Variants in SYNE3 observed in about 807,000 individuals in gnomAD.
SYNE3 encodes the protein nesprin-3.
In SYNE3, 100 loss-of-function variants were observed where a neutral mutation model predicts 111.2. That is an observed-to-expected ratio of 0.90 (90% CI 0.77 to 1.06). SYNE3 has a LOEUF of 1.06. Ranked by LOEUF, SYNE3 falls within the 50% of genes least tolerant of loss-of-function variation. The pLI is 0.00. For synonymous variants in SYNE3, 547 were observed against 533.9 expected (o/e 1.02, Z -0.34); for missense variants, 1,160 against 1,240.3 (o/e 0.94, Z 0.97).
intron 14 of SYNE3, 89 bp from the exon 15 acceptor site, chr14:95,437,070 G>A: frequency 6.4e-7 from 1 of 1,558,582 alleles, no homozygotes; most frequent in Non-Finnish European, 8.7e-7. Flanking sequence ...CAGAGGGGCA[G>A]GGACCAGGAC....
intron 4 of SYNE3, among the ~76,000 whole-genome samples, chr14:95,463,417 C>A (rs1887965863): frequency 6.6e-6 from 1 of 152,186 alleles, no homozygotes; most frequent in Admixed American, 6.5e-5. Flanking sequence ...TACAAACATG[C>A]ACACACACCC....
At chr14:95,449,003 C>T (rs1310358395) in intron 8 of SYNE3, among the ~76,000 whole-genome samples, 3 of 152,198 alleles carry the variant, frequency 2.0e-5, no homozygotes, top group Non-Finnish European at 2.9e-5. Context: ...ACATCTCACA[C>T]ACGTTTGAGT....
chr14:95,440,553 T>C (rs1052195985), intron 11 of SYNE3, among the ~76,000 whole-genome samples: 2 of 152,180 alleles, frequency 1.3e-5, no homozygotes, highest in African/African-American at 2.4e-5. Context: ...AATGAATAAA[T>C]ACACGGTGGT....
At chr14:95,468,909 C>A (rs1186112899) in intron 2 of SYNE3, among the ~76,000 whole-genome samples, 3 of 152,122 alleles carry the variant, frequency 2.0e-5, no homozygotes, top group Non-Finnish European at 4.4e-5. Flanking sequence ...TCTCTGTAGG[C>A]AAATATGACT....
intron 2 of SYNE3, among the ~76,000 whole-genome samples, chr14:95,473,043 C>T (rs182169197): frequency 1.3e-5 from 2 of 152,294 alleles, no homozygotes; most frequent in East Asian, 1.9e-4. Flanking sequence ...ATGGGTAGGT[C>T]GAGAGGCACT....
chr14:95,443,606 G>C (rs1886530652), intron 10 of SYNE3: 2 of 292,012 alleles, frequency 6.8e-6, no homozygotes, highest in African/African-American at 2.2e-5. Flanking sequence ...TCATTATGAG[G>C]AAACACGTCC....
At position 95,485,468 on chromosome 14, in the gene SYNE3, C is replaced by T. The variant is rs910434246; in HGVS notation, c.-14-9633G>A. Among the ~76,000 whole-genome samples, 41 of 152,152 alleles carry T rather than the reference C, an allele frequency of 2.7e-4. No homozygotes were observed. Among genetic ancestry groups the T allele is most frequent in the African/African-American group, 9.9e-4 (41 of 41,428 alleles). On this transcript the variant is annotated intron_variant, in intron 1 of 17. Transcript: ENST00000682763. The surrounding 1 kb of genome is among the most constrained non-coding windows in gnomAD (Gnocchi z 4.3). ...ATTCCTCAGATGCCCTGAAGGTAAA[C>T]TGAGAGAGTCGGCTGCTCCCCGACC...
Position 95,461,254 on chromosome 14 carries a change from C to T in SYNE3, c.628-3916G>A, listed in dbSNP as rs556232185. Among the ~76,000 whole-genome samples, 15 of 152,370 alleles carry T rather than the reference C, an allele frequency of 9.8e-5. No individual in the cohort carries two copies. The South Asian group carries it at 1.7e-3, about 17-fold the overall frequency. ...ATTCATCACAAGCAGCTCTGATTCA[C>T]GGCCAAGATGCCAGACAGACGCGCC... On this transcript the variant is annotated intron_variant, in intron 4 of 17. Coordinates refer to ENST00000682763, the MANE Select transcript of SYNE3 (RefSeq NM_152592.6).
chr14:95,450,250 T>C, intron 7 of SYNE3, 145 bp from the exon 8 acceptor site: 4 of 920,020 alleles, frequency 4.3e-6, no homozygotes, highest in Non-Finnish European at 6.4e-6. Flanking sequence ...TGGGAATGTC[T>C]GCAGCAGTAG....
intron 1 of SYNE3, among the ~76,000 whole-genome samples, chr14:95,495,676 A>G (rs1333717719): frequency 2.0e-5 from 3 of 152,222 alleles, no homozygotes; most frequent in Non-Finnish European, 4.4e-5. Context: ...CCAGGCCTGC[A>G]TGGCTCCAGC....
At chr14:95,427,658 C>A (rs559046952) in intron 17 of SYNE3, among the ~76,000 whole-genome samples, 3 of 152,304 alleles carry the variant, frequency 2.0e-5, no homozygotes, top group Admixed American at 6.5e-5. Flanking sequence ...ACTCATGTGA[C>A]CTTGTCAATC....
At chr14:95,501,138 T>C (rs1890320219) in intron 1 of SYNE3, among the ~76,000 whole-genome samples, 1 of 152,176 alleles carries the variant, frequency 6.6e-6, no homozygotes, top group Non-Finnish European at 1.5e-5. Context: ...CAATGTCCAC[T>C]CTGTGGAGCT....
chr14:95,494,671 G>C (rs1310387472), intron 1 of SYNE3, among the ~76,000 whole-genome samples: 1 of 152,166 alleles, frequency 6.6e-6, no homozygotes, highest in Non-Finnish European at 1.5e-5. Flanking sequence ...AAGCAGTCAG[G>C]GCAGCATCTG....
chr14:95,432,198 A>G (rs1459899555), intron 16 of SYNE3, 81 bp from the exon 17 acceptor site: 5 of 1,495,618 alleles, frequency 3.3e-6, no homozygotes, highest in Non-Finnish European at 4.6e-6. Flanking sequence ...CAGAGCCTGT[A>G]ATGGAATATT....
intron 1 of SYNE3, among the ~76,000 whole-genome samples, chr14:95,492,843 C>G (rs879395403): frequency 5.9e-5 from 9 of 152,182 alleles, no homozygotes; most frequent in Non-Finnish European, 1.3e-4. Flanking sequence ...CAGTAAGAAC[C>G]TGGCTCTATT....
intron 1 of SYNE3, among the ~76,000 whole-genome samples, chr14:95,480,505 A>G (rs909874534): frequency 6.6e-6 from 1 of 152,184 alleles, no homozygotes; most frequent in Non-Finnish European, 1.5e-5. Context: ...GGCCTGGAAG[A>G]CCAGCCAGTC....
chr14:95,454,451 G>A (rs1887286247), intron 6 of SYNE3, among the ~76,000 whole-genome samples: 1 of 152,256 alleles, frequency 6.6e-6, no homozygotes, highest in Admixed American at 6.5e-5. Flanking sequence ...GGAGAAACTA[G>A]GACTTAAACC....
rs528067092 is a variant in SYNE3, at chr14:95,466,071, C to T, written c.487G>A (p.Val163Met). 8.2e-5 allele frequency: 132 copies of T among 1,613,420 alleles called. No homozygotes were observed. In the South Asian group the frequency reaches 1.3e-3, roughly 15 times the overall value. ...LSHAQVLLHN[V>M]DNQAVLLDRL... ...TCCAGGAGCACCGCCTGGTTGTCCA[C>T]GTTGTGCAGCAGCACCTGGGCGTGG... is the stretch of plus-strand genomic sequence containing the variant. The change falls in exon 4 of 18, where the codon GTG becomes ATG. Residue 163 changes from valine (V) to methionine (M), a missense_variant. By Grantham distance (21) the Val-to-Met change is conservative (BLOSUM62 1). Transcript: ENST00000682763.
intron 1 of SYNE3, among the ~76,000 whole-genome samples, chr14:95,482,358 C>T (rs927735759): frequency 6.6e-6 from 1 of 152,146 alleles, no homozygotes; most frequent in Non-Finnish European, 1.5e-5. Context: ...CGCTTGAACC[C>T]GGGAGGCAGA....
Sources: gnomAD v4.1 joint callset for allele counts (sites outside exome capture counted in the v4.1 genomes callset) on GRCh38, gnomAD v4.1.1 for gene constraint, Gnocchi (gnomAD v3.1) non-coding constraint, MANE v1.5 for transcripts, NCBI Gene and HGNC (gene_info 2026-07-23, HGNC 2026-07-21) for gene names.